SRMS: variants seen among roughly 807,000 people sequenced by gnomAD.
SRMS encodes the protein src-related kinase lacking C-terminal regulatory tyrosine and N-terminal myristylation sites.
SRMS carries 42 observed loss-of-function variants against 43.5 expected under a neutral mutation model. The observed-to-expected ratio is 0.97, with a 90% CI of 0.75 to 1.25. The LOEUF (loss-of-function observed/expected upper bound fraction) is 1.25. SRMS is among the 50% of genes most tolerant of loss of function. SRMS has a pLI of 0.00. For missense variants in SRMS, 703 were observed against 681.0 expected (o/e 1.03, Z -0.36); for synonymous variants, 316 against 308.2 (o/e 1.03, Z -0.27).
At chr20:63,546,271 T>G (rs1396356385) in intron 1 of SRMS, among the ~76,000 whole-genome samples, 1 of 151,458 alleles carries the variant, frequency 6.6e-6, no homozygotes, top group Non-Finnish European at 1.5e-5. Context: ...CCCCTTCCTG[T>G]GACTCCGGCT....
At chr20:63,545,636 G>A (rs1228202929) in intron 1 of SRMS, among the ~76,000 whole-genome samples, 1 of 152,202 alleles carries the variant, frequency 6.6e-6, no homozygotes, top group African/African-American at 2.4e-5. Context: ...AAACTGACAT[G>A]ACCAGGGCCG....
At position 63,544,223 on chromosome 20, in the gene SRMS, G is replaced by A; in HGVS notation, c.478+4C>T. 6.9e-7 allele frequency: 1 copy of A among 1,450,128 alleles called. No individual in the cohort carries two copies. Among genetic ancestry groups the A allele is most frequent in the Non-Finnish European group, 9.1e-7 (1 of 1,100,612 alleles). 89.8% of individuals were successfully genotyped at this position (1,450,128 alleles called of 1,614,324 possible). ...ACAGAGGCAGGAGGGGCCGCCCCAG[G>A]TACCTGACAGTGAGTAGCCCCCGAG... On this transcript the variant is annotated splice_donor_region_variant and intron_variant, in intron 2 of 7. Coordinates refer to ENST00000217188, the MANE Select transcript of SRMS (RefSeq NM_080823.4).
At position 63,547,587 on chromosome 20, in the gene SRMS, C is replaced by A. The variant is rs908295581; in HGVS notation, c.-124G>T. The stretch of plus-strand genomic sequence containing the variant: ...GCCCTGGCCGTGGGGTGACAGGGGA[C>A]CCCGGCCCTGCGGTCACTCAGAGGT... On this transcript the variant is annotated 5_prime_UTR_variant, in exon 1 of 8. Transcript: ENST00000217188. The A allele has an allele frequency of 1.3e-5, 12 of 913,926 alleles. No homozygotes were observed. The highest frequency in any genetic ancestry group is 1.8e-5 in the African/African-American group (1 of 56,556). The allele number at this position is 913,926 out of a possible 1,614,324, so 56.6% of individuals were successfully genotyped here. A position where few individuals can be genotyped will look rare whatever the true frequency, so the allele number is the denominator to read the frequency against.
chr20:63,545,472 G>C (rs543773490), intron 1 of SRMS, among the ~76,000 whole-genome samples: 5 of 152,308 alleles, frequency 3.3e-5, no homozygotes, highest in South Asian at 4.1e-4. Context: ...AGCGGGACTA[G>C]GAGAGGACCC....
chr20:63,544,828 A>G (rs553072615), intron 1 of SRMS, among the ~76,000 whole-genome samples: 1 of 152,212 alleles, frequency 6.6e-6, no homozygotes, highest in African/African-American at 2.4e-5. Context: ...TGGTTAGTGG[A>G]GGGGGCCCAT....
At chr20:63,545,650 G>T (rs1272056132) in intron 1 of SRMS, among the ~76,000 whole-genome samples, 2 of 152,188 alleles carry the variant, frequency 1.3e-5, no homozygotes, top group Non-Finnish European at 2.9e-5. Context: ...AGGGCCGTGG[G>T]GCTGGGCTTA....
At position 63,540,968 on chromosome 20, in the gene SRMS, G is replaced by A. The variant is rs1419914994; in HGVS notation, c.1317C>T (p.Ile439=). The A allele has an allele frequency of 3.1e-6, 5 of 1,608,528 alleles. No homozygotes were observed. The highest frequency in any genetic ancestry group is 2.7e-5 in the African/African-American group (2 of 74,884). Residue 439 remains isoleucine (I), a synonymous_variant, in exon 8 of 8, where the codon ATC becomes ATT. Transcript: ENST00000217188. ...GMTNHETLQQ[I]MRGYRLPRPA... ...GGCGCGGCAGCCGGTACCCTCGCAT[G>A]ATCTGCTGCAGCGTCTCGTGGTTGG...
chr20:63,543,305 C>T lies in SRMS; in HGVS notation c.645+9G>A, dbSNP rs748084353. 7.4e-6 allele frequency: 12 copies of T among 1,611,350 alleles called. No homozygotes were observed. Among genetic ancestry groups the T allele is most frequent in the African/African-American group, 6.7e-5 (5 of 74,948 alleles). ...CCAGCATGGGGCAGCTTGGCAGGCA[C>T]AGGCCCACCTGGGGCATGCAGGGCT... On this transcript the variant is annotated intron_variant, in intron 3 of 7. Transcript: ENST00000217188.
intron 5 of SRMS, 69 bp from the exon 6 acceptor site, chr20:63,541,689 G>A (rs1325659469): frequency 2.7e-5 from 39 of 1,424,376 alleles, no homozygotes; most frequent in South Asian, 7.3e-5. Context: ...GTCCACCCAC[G>A]TCACCTTCCC....
chr20:63,541,406 C>T (rs752869162), intron 6 of SRMS, 33 bp downstream of exon 6: 4 of 1,570,472 alleles, frequency 2.5e-6, no homozygotes, highest in East Asian at 2.3e-5. Flanking sequence ...TCACCCACCC[C>T]CTCTGGGTCA....
chr20:63,544,720 C>T (rs747850406), intron 1 of SRMS, among the ~76,000 whole-genome samples: 3 of 152,258 alleles, frequency 2.0e-5, no homozygotes, highest in Admixed American at 6.5e-5. Context: ...ATGGAGCTGA[C>T]GGCCTGGTGA....
chr20:63,540,863 G>A lies in SRMS; in HGVS notation c.1422C>T (p.Ala474=). 1 of 1,605,954 alleles carries A rather than the reference G, an allele frequency of 6.2e-7. No homozygotes were observed. Among genetic ancestry groups the A allele is most frequent in the East Asian group, 2.2e-5 (1 of 44,846 alleles). ...TGGCGTGCAGCTTCTCCCGCAGCGT[G>A]GCGAAGGAGGGCCGTTCCTCGGGGC... ...RSSPEERPSF[A]TLREKLHAIH... Residue 474 remains alanine (A), a synonymous_variant, in exon 8 of 8, where the codon GCC becomes GCT. Transcript: ENST00000217188.
chr20:63,547,669 G>A lies in SRMS; in HGVS notation c.-206C>T, dbSNP rs1245187343. ...CGGCGTCCGGGCTGGCGTTGGGGCT[G>A]GGTGGGGCGCAGGGCGGACCCCCTG... On this transcript the variant is annotated 5_prime_UTR_variant, in exon 1 of 8. Transcript: ENST00000217188. Among the ~76,000 whole-genome samples the A allele has an allele frequency of 6.6e-6, 1 of 152,214 alleles. No homozygotes were observed. Among genetic ancestry groups the A allele is most frequent in the Non-Finnish European group, 1.5e-5 (1 of 68,014 alleles).
intron 1 of SRMS, among the ~76,000 whole-genome samples, chr20:63,544,989 T>C (rs972755313): frequency 6.6e-6 from 1 of 152,208 alleles, no homozygotes; most frequent in Non-Finnish European, 1.5e-5. Context: ...AGGACGGCCC[T>C]AAGCCCACTG....
chr20:63,540,956 G>A lies in SRMS; in HGVS notation c.1329C>T (p.Tyr443=). 1 of 1,607,996 alleles carries A rather than the reference G, an allele frequency of 6.2e-7. No homozygotes were observed. The highest frequency in any genetic ancestry group is 8.5e-7 in the Non-Finnish European group (1 of 1,179,508). The change falls in exon 8 of 8, where the codon TAC becomes TAT. Residue 443 remains tyrosine (Y), a synonymous_variant. Transcript: ENST00000217188. ...HETLQQIMRG[Y]RLPRPAACPA... is the part of the protein sequence containing the mutation. Reference sequence around the variant, plus strand: ...GGCAGGCAGCCGGGCGCGGCAGCCGGTACCCTCGCATGATCTGCTGCAGCG... The same window carrying A: ...GGCAGGCAGCCGGGCGCGGCAGCCGATACCCTCGCATGATCTGCTGCAGCG...
At chr20:63,542,384 G>C in intron 4 of SRMS, 56 bp downstream of exon 4, 1 of 1,597,638 alleles carries the variant, frequency 6.3e-7, no homozygotes, top group South Asian at 1.1e-5. Context: ...CCTGGGGCTT[G>C]AGGGTTGGAC....
rs745594558 is a variant in SRMS at position 63,541,344 on chromosome 20, C to T, written c.1132G>A (p.Asp378Asn). The T allele has an allele frequency of 6.4e-5, 98 of 1,539,532 alleles. No homozygotes were observed. Among genetic ancestry groups the T allele is most frequent in the Non-Finnish European group, 8.1e-5 (93 of 1,145,858 alleles). ...DFGLARLLKD[D>N]IYSPSSSSKI... ...GAGCTGCTGCTCGGGGAGTAGATGT[C>T]GTCCTGGGGGCGAGGGAAGGCCCCT... The change falls in exon 7 of 8, where the codon GAC becomes AAC. Residue 378 changes from aspartate to asparagine, a missense_variant. By Grantham distance (23) the Asp-to-Asn change is conservative (BLOSUM62 1). Transcript: ENST00000217188.
rs2082703715 is a variant in SRMS, at chr20:63,541,541, C to T, written c.1026G>A (p.Glu342=). The T allele has an allele frequency of 3.1e-6, 5 of 1,591,950 alleles. No individual in the cohort carries two copies. Among genetic ancestry groups the T allele is most frequent in the African/African-American group, 1.3e-5 (1 of 74,462 alleles). ...AGTCCCGGTGCACAACGCGCTGCTC[C>T]TCCAGGTAGCTCATGCCCTCAGCCA... is the stretch of plus-strand genomic sequence containing the variant. ...CQVAEGMSYL[E]EQRVVHRDLA... Residue 342 remains glutamate, a synonymous_variant, in exon 6 of 8, where the codon GAG becomes GAA. Transcript: ENST00000217188.
chr20:63,541,996 C>T (rs1397943423), intron 5 of SRMS, among the ~76,000 whole-genome samples, 167 bp downstream of exon 5: 3 of 152,250 alleles, frequency 2.0e-5, no homozygotes, highest in African/African-American at 7.2e-5. Context: ...ACGCCAGCCC[C>T]CTGTTGGCTG....
Sources: gnomAD v4.1 joint callset for allele counts (sites outside exome capture counted in the v4.1 genomes callset) on GRCh38, gnomAD v4.1.1 for gene constraint, MANE v1.5 for transcripts, NCBI Gene and HGNC (gene_info 2026-07-23, HGNC 2026-07-21) for gene names.